The following OTUD3 variants were observed in gnomAD, a reference collection of about 807,000 sequenced individuals.
OTUD3 encodes the protein OTU domain-containing protein 3.
OTUD3 carries 24 observed loss-of-function variants against 46.2 expected under a neutral mutation model. That is an observed-to-expected ratio of 0.52 (90% CI 0.38 to 0.73). The LOEUF (loss-of-function observed/expected upper bound fraction) is 0.73, where lower values mean the gene tolerates loss of function less well. Ranked by LOEUF, OTUD3 falls within the 30% of genes least tolerant of loss-of-function variation. The pLI, the probability that OTUD3 is intolerant of heterozygous loss-of-function variation, is 0.00. For missense variants in OTUD3, 455 were observed against 523.3 expected (o/e 0.87, Z 1.27); for synonymous variants, 189 against 195.4 (o/e 0.97, Z 0.27).
At position 19,897,992 on chromosome 1, in the gene OTUD3, C is replaced by T. The variant is rs1191067736; in HGVS notation, c.606+330C>T. ...GAGATGGAGTTTCGCTCTTGTTGCCCAGGCTGGAGTGCAGTGGTGCGATCT... is the reference window on the plus strand; with the variant it reads ...GAGATGGAGTTTCGCTCTTGTTGCCTAGGCTGGAGTGCAGTGGTGCGATCT... On this transcript the variant is annotated intron_variant, in intron 4 of 7. Transcript: ENST00000375120. Among the ~76,000 whole-genome samples, 5 of 150,590 alleles carry T rather than the reference C, an allele frequency of 3.3e-5. No individual in the cohort carries two copies. The East Asian group carries it at 9.7e-4, about 29-fold the overall frequency.
At chr1:19,902,308 C>CCAT (rs543995892) in intron 4 of OTUD3, among the ~76,000 whole-genome samples, 467 of 152,280 alleles carry the variant, frequency 3.1e-3, no homozygotes, top group African/African-American at 0.01. Context: ...CGGGTTCACG[C>CCAT]CATTCTTCTG....
At chr1:19,887,039 C>T (rs1426441997) in intron 1 of OTUD3, among the ~76,000 whole-genome samples, 1 of 150,968 alleles carries the variant, frequency 6.6e-6, no homozygotes, top group East Asian at 1.9e-4. Flanking sequence ...ACATACAATT[C>T]AATATAAAAA....
chr1:19,893,306 C>CGTGA (rs1273693690), intron 2 of OTUD3, among the ~76,000 whole-genome samples: 5 of 152,166 alleles, frequency 3.3e-5, no homozygotes, highest in African/African-American at 4.8e-5. Context: ...ACTCACAGAA[C>CGTGA]TCACTGAAAG....
Position 19,910,328 on chromosome 1 carries a change from C to T in OTUD3, c.*2582C>T, listed in dbSNP as rs1275519926. 6.6e-6 allele frequency: 1 copy of T among 152,272 alleles called. No individual in the cohort carries two copies. The highest frequency in any genetic ancestry group is 1.5e-5 in the Non-Finnish European group (1 of 68,018). 9.4% of individuals were successfully genotyped at this position (152,272 alleles called of 1,614,324 possible). A position where few individuals can be genotyped will look rare whatever the true frequency, so the allele number is the denominator to read the frequency against. On this transcript the variant is annotated 3_prime_UTR_variant, in exon 8 of 8. Coordinates refer to ENST00000375120, the MANE Select transcript of OTUD3 (RefSeq NM_015207.2). The stretch of plus-strand genomic sequence containing the variant: ...TGTGGTCAGGAGAAAGGGGATGGAG[C>T]AGTGGTGCATAGCTGCTTACTGCTC...
At chr1:19,898,319 T>G (rs572800838) in intron 4 of OTUD3, among the ~76,000 whole-genome samples, 1 of 152,296 alleles carries the variant, frequency 6.6e-6, no homozygotes, top group Non-Finnish European at 1.5e-5. Context: ...GCATGTAAAG[T>G]CAACTCAGCT....
At position 19,900,356 on chromosome 1, in the gene OTUD3, A is replaced by C. The variant is rs1361182650; in HGVS notation, c.606+2694A>C. The stretch of plus-strand genomic sequence containing the variant: ...CAGCTGTGTACCACTATGCCTGGCT[A>C]ATTTTTTATTTTTTGTAGAGACAGG... On this transcript the variant is annotated intron_variant, in intron 4 of 7. Transcript: ENST00000375120. 4.6e-5 allele frequency among the ~76,000 whole-genome samples: 7 copies of C among 152,100 alleles called. No homozygotes were observed. The South Asian group carries it at 1.5e-3, about 32-fold the overall frequency.
chr1:19,888,543 T>C (rs111478793), intron 1 of OTUD3, among the ~76,000 whole-genome samples: 99 of 152,350 alleles, frequency 6.5e-4, no homozygotes, highest in African/African-American at 2.3e-3. Flanking sequence ...AACTCTTAAA[T>C]ATTATTTTTA....
intron 1 of OTUD3, among the ~76,000 whole-genome samples, chr1:19,888,344 T>G (rs1378438187): frequency 6.6e-6 from 1 of 152,162 alleles, no homozygotes; most frequent in Non-Finnish European, 1.5e-5. Context: ...CAGCGGTGCT[T>G]TGTTCTCATG....
chr1:19,890,519 C>G lies in OTUD3; in HGVS notation c.356C>G (p.Pro119Arg), dbSNP rs777824446. Residue 119 changes from proline (P) to arginine (R), a missense_variant, in exon 2 of 8, where the codon CCT becomes CGT. Coordinates refer to ENST00000375120, the MANE Select transcript of OTUD3 (RefSeq NM_015207.2). ...GAACCCTTTGTAGAAGATGACATTC[C>G]TTTTGAGAAGCATGGTAGGTTCACT... ...DFEPFVEDDI[P>R]FEKHVASLAK... 6.2e-7 allele frequency: 1 copy of G among 1,613,782 alleles called. No individual in the cohort carries two copies. Among genetic ancestry groups the G allele is most frequent in the South Asian group, 1.1e-5 (1 of 91,060 alleles).
intron 2 of OTUD3, among the ~76,000 whole-genome samples, chr1:19,892,853 A>G (rs558393849): frequency 3.5e-4 from 53 of 152,244 alleles, no homozygotes; most frequent in African/African-American, 9.1e-4. Context: ...TGACTCATCT[A>G]TTGACCTCAG....
At chr1:19,904,508 A>G (rs1571182565) in intron 5 of OTUD3, 110 bp downstream of exon 5, 2 of 924,114 alleles carry the variant, frequency 2.2e-6, no homozygotes, top group Non-Finnish European at 3.3e-6. Context: ...GTGGGCCAAA[A>G]TAGGCCCATG....
At chr1:19,896,219 T>C (rs1403373176) in intron 3 of OTUD3, among the ~76,000 whole-genome samples, 2 of 151,954 alleles carry the variant, frequency 1.3e-5, no homozygotes, top group African/African-American at 4.8e-5. Flanking sequence ...TATTGAAACC[T>C]ACATTTTTTT....
At chr1:19,896,137 C>T (rs1026725189) in intron 3 of OTUD3, among the ~76,000 whole-genome samples, 1 of 152,136 alleles carries the variant, frequency 6.6e-6, no homozygotes, top group East Asian at 1.9e-4. Context: ...ACTGAAACTG[C>T]ATTGGTTGCT....
At chr1:19,892,351 G>C (rs1030722184) in intron 2 of OTUD3, among the ~76,000 whole-genome samples, 1 of 152,202 alleles carries the variant, frequency 6.6e-6, no homozygotes, top group Non-Finnish European at 1.5e-5. Flanking sequence ...TTTAATGTCA[G>C]TGTGCTGCCT....
chr1:19,893,401 C>T (rs917265801), intron 2 of OTUD3, among the ~76,000 whole-genome samples: 1 of 152,182 alleles, frequency 6.6e-6, no homozygotes, highest in African/African-American at 2.4e-5. Context: ...ATAGGACAGT[C>T]TGGAAAGGTT....
chr1:19,883,697 T>C (rs2045312410), intron 1 of OTUD3, among the ~76,000 whole-genome samples: 1 of 152,108 alleles, frequency 6.6e-6, no homozygotes. Context: ...CCCAGGCTGG[T>C]CTCGAACTCC....
intron 1 of OTUD3, among the ~76,000 whole-genome samples, chr1:19,885,490 G>C (rs1223999267): frequency 1.3e-5 from 2 of 152,196 alleles, no homozygotes; most frequent in Non-Finnish European, 2.9e-5. Context: ...GTCTTACTCT[G>C]CCACCCAGGC....
intron 4 of OTUD3, among the ~76,000 whole-genome samples, chr1:19,899,161 A>T (rs552656390): frequency 6.6e-6 from 1 of 152,324 alleles, no homozygotes; most frequent in South Asian, 2.1e-4. Context: ...AATTCAAAAT[A>T]TGTAATGGGA....
At chr1:19,890,556 T>G in intron 2 of OTUD3, 23 bp downstream of exon 2, 3 of 1,610,634 alleles carry the variant, frequency 1.9e-6, no homozygotes, top group Non-Finnish European at 2.5e-6. Flanking sequence ...TGGGACATTG[T>G]GTCCTTCAGG....
Sources: allele counts gnomAD v4.1 joint callset (sites outside exome capture counted in the v4.1 genomes callset), GRCh38; gene constraint gnomAD v4.1.1; transcripts MANE v1.5; gene names NCBI Gene and HGNC (gene_info 2026-07-23, HGNC 2026-07-21).